FGF14: variants seen among roughly 807,000 people sequenced by gnomAD.
The protein encoded by FGF14 is fibroblast growth factor homologous factor 4.
Under a neutral mutation model 25.5 loss-of-function variants are expected in FGF14, and 5 were observed. The ratio of observed to expected loss-of-function variants is 0.20; its 90% confidence interval spans 0.10 to 0.41. The LOEUF (loss-of-function observed/expected upper bound fraction) is 0.41, where lower values mean the gene tolerates loss of function less well. FGF14 is among the 10% of genes least tolerant of loss of function. The probability of loss-of-function intolerance (pLI) is 1.00; values close to 1 mark genes in which losing one functional copy is unlikely to be tolerated. For missense variants in FGF14, 222 were observed against 320.1 expected, an observed-to-expected ratio of 0.69 and a Z score of 2.34; for synonymous variants, 138 against 118.3, an observed-to-expected ratio of 1.17 and a Z score of -1.08.
intron 1 of FGF14, chr13:102,017,193 T>C (rs2040392627): frequency 3.5e-6 from 1 of 288,092 alleles, no homozygotes; most frequent in African/African-American, 2.2e-5. Context: ...TATTCTCCAG[T>C]TTTACTTGTT....
At chr13:102,051,684 C>T (rs2042221921) in intron 1 of FGF14, among the ~76,000 whole-genome samples, 1 of 152,198 alleles carries the variant, frequency 6.6e-6, no homozygotes, top group Admixed American at 6.5e-5. Context: ...ACAAACACTA[C>T]ACAGCAGCAC....
At chr13:102,251,750 C>A (rs1055273247) in intron 1 of FGF14, among the ~76,000 whole-genome samples, 2 of 152,078 alleles carry the variant, frequency 1.3e-5, no homozygotes, top group African/African-American at 4.8e-5. Flanking sequence ...GATGCCACAC[C>A]CTTTACATGA....
At chr13:102,003,773 T>C (rs1410177428) in intron 1 of FGF14, among the ~76,000 whole-genome samples, 1 of 152,108 alleles carries the variant, frequency 6.6e-6, no homozygotes, top group South Asian at 2.1e-4. Context: ...TTGACAGCTT[T>C]CTTCTGGTTT....
intron 1 of FGF14, among the ~76,000 whole-genome samples, chr13:101,968,764 G>C (rs1236115330): frequency 1.3e-5 from 2 of 150,664 alleles, no homozygotes; most frequent in African/African-American, 4.9e-5. Flanking sequence ...ACAAAAGTGT[G>C]AGATCATACA....
intron 4 of FGF14, among the ~76,000 whole-genome samples, chr13:101,725,285 T>G (rs1451136388): frequency 6.6e-6 from 1 of 152,076 alleles, no homozygotes; most frequent in African/African-American, 2.4e-5. Context: ...GTGTTTTTTT[T>G]GGGAGGAACA....
chr13:102,293,660 A>G (rs945973712), intron 1 of FGF14: 1 of 152,222 alleles, frequency 6.6e-6, no homozygotes, highest in African/African-American at 2.4e-5. Context: ...ATAATGTGGT[A>G]CTGAATTTCA....
chr13:102,232,104 C>T (rs2051111383), intron 1 of FGF14, among the ~76,000 whole-genome samples: 1 of 152,134 alleles, frequency 6.6e-6, no homozygotes, highest in Non-Finnish European at 1.5e-5. Context: ...CTACTATAAA[C>T]ATGAAATTAA....
intron 3 of FGF14, among the ~76,000 whole-genome samples, chr13:101,776,646 T>C (rs1296943166): frequency 6.6e-6 from 1 of 152,214 alleles, no homozygotes; most frequent in Non-Finnish European, 1.5e-5. Context: ...CGCATGGTTC[T>C]TCCACAGCAC....
intron 1 of FGF14, among the ~76,000 whole-genome samples, chr13:102,287,573 A>G (rs572462246): frequency 1.3e-5 from 2 of 152,322 alleles, no homozygotes; most frequent in East Asian, 3.9e-4. Flanking sequence ...ATAGTAACTT[A>G]TATCTCCACA....
chr13:102,302,284 C>T (rs571690354), intron 1 of FGF14, among the ~76,000 whole-genome samples: 44 of 152,212 alleles, frequency 2.9e-4, no homozygotes, highest in African/African-American at 1.1e-3. Flanking sequence ...CCATCAGCAG[C>T]GTTTTATACA....
intron 1 of FGF14, among the ~76,000 whole-genome samples, chr13:102,185,317 G>T (rs1241294013): frequency 6.6e-6 from 1 of 152,092 alleles, no homozygotes; most frequent in Non-Finnish European, 1.5e-5. Flanking sequence ...GAGAAGAAAG[G>T]TAACAGGAAA....
chr13:101,760,109 C>T (rs2037922303), intron 3 of FGF14, among the ~76,000 whole-genome samples: 1 of 152,148 alleles, frequency 6.6e-6, no homozygotes, highest in Admixed American at 6.5e-5. Flanking sequence ...TCCACTTTTT[C>T]ATACAACATA....
At chr13:102,308,180 T>A (rs2055507104) in intron 1 of FGF14, among the ~76,000 whole-genome samples, 1 of 152,176 alleles carries the variant, frequency 6.6e-6, no homozygotes, top group Non-Finnish European at 1.5e-5. Context: ...TCAAGCCAGA[T>A]ATCTCCCTAA....
At chr13:101,739,089 G>GTATATATA (rs113467291) in intron 3 of FGF14, among the ~76,000 whole-genome samples, 92 of 114,794 alleles carry the variant, frequency 8.0e-4, no homozygotes, top group Admixed American at 3.2e-3. Context: ...TACTTTAACA[G>GTATATATA]TATATATATA....
intron 1 of FGF14, among the ~76,000 whole-genome samples, chr13:101,905,246 C>T (rs568614269): frequency 4.6e-4 from 70 of 152,238 alleles, no homozygotes; most frequent in South Asian, 1.9e-3. Context: ...TAAAGACACA[C>T]GCACATGTAT....
intron 1 of FGF14, among the ~76,000 whole-genome samples, chr13:101,911,365 G>A (rs892115555): frequency 1.4e-4 from 21 of 152,042 alleles, no homozygotes; most frequent in African/African-American, 4.6e-4. Context: ...CCAGACAGTT[G>A]GCCATAGATT....
intron 1 of FGF14, among the ~76,000 whole-genome samples, chr13:102,334,399 AG>A (rs2056729404): frequency 6.6e-6 from 1 of 152,174 alleles, no homozygotes; most frequent in East Asian, 1.9e-4. Flanking sequence ...ATGGTTTGGT[AG>A]TGCACCTTCA....
chr13:101,816,154 C>T (rs1446839590), intron 3 of FGF14, among the ~76,000 whole-genome samples: 1 of 150,972 alleles, frequency 6.6e-6, no homozygotes, highest in East Asian at 1.9e-4. Flanking sequence ...CCTGTAGTCC[C>T]AGCTACTTGG....
chr13:101,820,141 G>T (rs2042040189), intron 3 of FGF14, among the ~76,000 whole-genome samples: 1 of 152,108 alleles, frequency 6.6e-6, no homozygotes, highest in Non-Finnish European at 1.5e-5. Context: ...AAATGTCAGA[G>T]AAACAGTGGC....
Sources: gnomAD v4.1 joint callset for allele counts (sites outside exome capture counted in the v4.1 genomes callset) on GRCh38, gnomAD v4.1.1 for gene constraint, MANE v1.5 for transcripts, NCBI Gene and HGNC (gene_info 2026-07-23, HGNC 2026-07-21) for gene names.